CRISPLD2: variants seen among roughly 807,000 people sequenced by gnomAD.
CRISPLD2 encodes the protein cysteine-rich secretory protein LCCL domain-containing 2.
In CRISPLD2, 47 loss-of-function variants were observed where a neutral mutation model predicts 71.1. That is an observed-to-expected ratio of 0.66 (90% CI 0.52 to 0.84). CRISPLD2 has a LOEUF of 0.84. CRISPLD2 is among the 40% of genes least tolerant of loss of function. The pLI is 0.00. For synonymous variants in CRISPLD2, 317 were observed against 250.1 expected, an observed-to-expected ratio of 1.27 and a Z score of -2.52; for missense variants, 830 against 651.1, an observed-to-expected ratio of 1.27 and a Z score of -2.99.
intron 2 of CRISPLD2, chr16:84,839,030 C>T (rs150001362): frequency 1.4e-5 from 7 of 511,776 alleles, no homozygotes; most frequent in African/African-American, 1.1e-4. Flanking sequence ...GAACTACAGG[C>T]ATGCACCATG....
intron 1 of CRISPLD2, among the ~76,000 whole-genome samples, chr16:84,820,414 G>A (rs1438562557): frequency 6.6e-6 from 1 of 152,192 alleles, no homozygotes; most frequent in Non-Finnish European, 1.5e-5. Context: ...CTTAGAGGCT[G>A]TTTACTCTCT....
intron 6 of CRISPLD2, among the ~76,000 whole-genome samples, chr16:84,856,690 C>A (rs1409339936): frequency 6.6e-6 from 1 of 152,116 alleles, no homozygotes; most frequent in Non-Finnish European, 1.5e-5. Flanking sequence ...AGAACTTTGC[C>A]CCAGCCCTGC....
intron 6 of CRISPLD2, among the ~76,000 whole-genome samples, chr16:84,855,533 A>C: frequency 6.8e-6 from 1 of 147,074 alleles, no homozygotes; most frequent in East Asian, 2.4e-4. Context: ...CTGCACTGGC[A>C]GCTGATTAGT....
At chr16:84,858,171 C>A (rs1333374574) in intron 6 of CRISPLD2, among the ~76,000 whole-genome samples, 1 of 152,208 alleles carries the variant, frequency 6.6e-6, no homozygotes, top group Non-Finnish European at 1.5e-5. Flanking sequence ...CCCTATCTGC[C>A]ACTGACACCT....
At chr16:84,858,365 C>G (rs751931634) in intron 6 of CRISPLD2, among the ~76,000 whole-genome samples, 14 of 152,180 alleles carry the variant, frequency 9.2e-5, no homozygotes, top group Non-Finnish European at 1.8e-4. Context: ...CTCCAGAATC[C>G]TAATTGGCCC....
chr16:84,902,402 C>T (rs992538763), intron 14 of CRISPLD2, among the ~76,000 whole-genome samples: 1 of 151,492 alleles, frequency 6.6e-6, no homozygotes, highest in Non-Finnish European at 1.5e-5. Context: ...AAGGTCAGGA[C>T]ATCGAGACTA....
rs146159586 is a variant in CRISPLD2 at position 84,826,255 on chromosome 16, T to G, written c.-75+6122T>G. On this transcript the variant is annotated intron_variant, in intron 1 of 14. Transcript: ENST00000262424. ...GTGACCTGGGAGCTGAAAGACCACC[T>G]CCCTCCAAAATCAGGAAGGCCCCTT... Among the ~76,000 whole-genome samples, 1,192 of 152,264 alleles carry G rather than the reference T, an allele frequency of 7.8e-3. 44 individuals are homozygous for G. The highest frequency in any genetic ancestry group is 0.064 in the Admixed American group (986 of 15,296).
At chr16:84,835,472 C>G (rs1228008178) in intron 1 of CRISPLD2, among the ~76,000 whole-genome samples, 1 of 152,168 alleles carries the variant, frequency 6.6e-6, no homozygotes, top group East Asian at 1.9e-4. Context: ...AGCCTCATCC[C>G]CTCCCAAGCA....
chr16:84,844,168 C>T (rs941333317), intron 2 of CRISPLD2, among the ~76,000 whole-genome samples: 10 of 152,220 alleles, frequency 6.6e-5, no homozygotes, highest in African/African-American at 9.6e-5. Flanking sequence ...AGAAAGGACA[C>T]GCTTGCTCTG....
At position 84,889,247 on chromosome 16, in the gene CRISPLD2, G is replaced by C; in HGVS notation, c.1323G>C (p.Lys441Asn). 2 of 1,614,146 alleles carry C rather than the reference G, an allele frequency of 1.2e-6. No homozygotes were observed. Among genetic ancestry groups the C allele is most frequent in the South Asian group, 1.1e-5 (1 of 91,084 alleles). Residue 441 changes from lysine (K) to asparagine (N), a missense_variant, in exon 14 of 15, where the codon AAG (lysine) becomes AAC (asparagine). Coordinates refer to ENST00000262424, the MANE Select transcript of CRISPLD2 (RefSeq NM_031476.4). ...NIYADTSSIC[K>N]TAVHAGVISN... The stretch of plus-strand genomic sequence containing the variant: ...GCTTCCAGACCTCAAGCATCTGCAA[G>C]ACAGCCGTGCACGCGGGAGTCATCA...
At position 84,898,572 on chromosome 16, in the gene CRISPLD2, C is replaced by T. The variant is rs748982589; in HGVS notation, c.1440-8016C>T. On this transcript the variant is annotated intron_variant, in intron 14 of 14. Coordinates refer to ENST00000262424, the MANE Select transcript of CRISPLD2 (RefSeq NM_031476.4). Reference sequence around the variant, plus strand: ...TCTCCACCATCCAGCCTGCACTTGTCTCCTGCTCCCTGATGGATCTGTGTC... The same window carrying T: ...TCTCCACCATCCAGCCTGCACTTGTTTCCTGCTCCCTGATGGATCTGTGTC... Among the ~76,000 whole-genome samples, 59 of 152,184 alleles carry T rather than the reference C, an allele frequency of 3.9e-4. 1 individual carries two copies. The highest frequency in any genetic ancestry group is 6.5e-4 in the Admixed American group (10 of 15,274).
intron 14 of CRISPLD2, among the ~76,000 whole-genome samples, chr16:84,890,720 G>T (rs947223841): frequency 6.6e-6 from 1 of 151,992 alleles, no homozygotes; most frequent in Non-Finnish European, 1.5e-5. Context: ...ACTTGAACCC[G>T]GGAGGTAGAG....
rs188251961 is a variant in CRISPLD2 at position 84,823,969 on chromosome 16, A to C, written c.-75+3836A>C. On this transcript the variant is annotated intron_variant, in intron 1 of 14. Transcript: ENST00000262424. ...GTGAGCTGGAACTGACCCTACCCCA[A>C]ATATTTTTTGAATAGGGAAAAGACT... 6.6e-4 allele frequency among the ~76,000 whole-genome samples: 100 copies of C among 152,238 alleles called. 1 individual carries two copies. Among genetic ancestry groups the C allele is most frequent in the South Asian group, 3.5e-3 (17 of 4,820 alleles).
chr16:84,859,090 T>A (rs1381397852), intron 6 of CRISPLD2, among the ~76,000 whole-genome samples: 1 of 152,192 alleles, frequency 6.6e-6, no homozygotes, highest in Admixed American at 6.5e-5. Context: ...TTTACTATTT[T>A]TCTAGGTAGG....
chr16:84,860,601 C>T lies in CRISPLD2; in HGVS notation c.709+5772C>T, dbSNP rs938846823. 7.9e-5 allele frequency among the ~76,000 whole-genome samples: 12 copies of T among 152,086 alleles called. 1 individual carries two copies. The highest frequency in any genetic ancestry group is 1.7e-4 in the African/African-American group (7 of 41,412). ...TGGAAAGGCTGACCGCAGCGTGGGT[C>T]GGGGAGGAGACGTTGCCACTACTGG... On this transcript the variant is annotated intron_variant, in intron 6 of 14. Coordinates refer to ENST00000262424, the MANE Select transcript of CRISPLD2 (RefSeq NM_031476.4).
chr16:84,825,124 T>C (rs1567676512), intron 1 of CRISPLD2, among the ~76,000 whole-genome samples: 1 of 151,592 alleles, frequency 6.6e-6, no homozygotes. Context: ...AAACAAAATA[T>C]GTACTGGTAC....
At chr16:84,871,698 C>A (rs1011861679) in intron 8 of CRISPLD2, among the ~76,000 whole-genome samples, 2 of 151,908 alleles carry the variant, frequency 1.3e-5, no homozygotes, top group African/African-American at 4.8e-5. Flanking sequence ...ACTACAGGTG[C>A]CTGCCACCAC....
chr16:84,829,909 C>T (rs1916445689), intron 1 of CRISPLD2, among the ~76,000 whole-genome samples: 1 of 152,350 alleles, frequency 6.6e-6, no homozygotes, highest in African/African-American at 2.4e-5. Context: ...CCCACGTTGG[C>T]GTGGGTTTGG....
rs184915941 is a variant in CRISPLD2 at position 84,873,010 on chromosome 16, G to A, written c.1000G>A (p.Ala334Thr). 184 of 1,613,136 alleles carry A rather than the reference G, an allele frequency of 1.1e-4. No homozygotes were observed. The highest frequency in any genetic ancestry group is 1.7e-4 in the African/African-American group (13 of 74,916). ...FYESSSSICR[A>T]AIHYGILDDK... ...CCGCCAGTCGTCTAGCATATGCCGC[G>A]CCGCCATCCACTACGGGATCCTGGA... is the stretch of plus-strand genomic sequence containing the variant. Residue 334 changes from alanine (A) to threonine (T), a missense_variant, in exon 10 of 15, where the codon GCC becomes ACC. Transcript: ENST00000262424.
Sources: gnomAD v4.1 joint callset for allele counts (sites outside exome capture counted in the v4.1 genomes callset) on GRCh38, gnomAD v4.1.1 for gene constraint, MANE v1.5 for transcripts, NCBI Gene and HGNC (gene_info 2026-07-23, HGNC 2026-07-21) for gene names.